The following ENTREP2 variants were observed in gnomAD, a reference collection of about 807,000 sequenced individuals.
The protein encoded by ENTREP2 is protein ENTREP2.
the ENTREP2 span, among the ~76,000 whole-genome samples, chr15:29,214,453 C>T: frequency 6.6e-6 from 1 of 152,128 alleles, no homozygotes; most frequent in South Asian, 2.1e-4. Context: ...AAAACAAACA[C>T]CGCATGTTCT....
chr15:29,538,638 C>CAAAAA, the ENTREP2 span, among the ~76,000 whole-genome samples: 6 of 79,002 alleles, frequency 7.6e-5, no homozygotes, highest in South Asian at 5.3e-4. Flanking sequence ...ACTAAAAATA[C>CAAAAA]AAAAAAAAAA....
At chr15:29,593,503 A>G in the ENTREP2 span, among the ~76,000 whole-genome samples, 10 of 152,184 alleles carry the variant, frequency 6.6e-5, no homozygotes, top group Admixed American at 6.5e-4. Context: ...AGGCATACCT[A>G]GGATTTTGTC....
At chr15:29,307,361 T>C in the ENTREP2 span, among the ~76,000 whole-genome samples, 1 of 152,220 alleles carries the variant, frequency 6.6e-6, no homozygotes, top group African/African-American at 2.4e-5. Context: ...CATTGCTTTC[T>C]ATCATAATCA....
At chr15:29,657,979 A>T in the ENTREP2 span, among the ~76,000 whole-genome samples, 899 of 137,310 alleles carry the variant, frequency 6.5e-3, 16 homozygotes, top group African/African-American at 0.023. Flanking sequence ...TAATACGTGA[A>T]AGAAGTCAGA....
the ENTREP2 span, among the ~76,000 whole-genome samples, chr15:29,238,636 G>GA: frequency 2.1e-3 from 296 of 143,984 alleles, 1 homozygote; most frequent in Non-Finnish European, 2.7e-3. Context: ...CTCCATCTCA[G>GA]AAAAAAAAAA....
chr15:29,619,319 G>C, the ENTREP2 span, among the ~76,000 whole-genome samples: 1 of 152,198 alleles, frequency 6.6e-6, no homozygotes, highest in African/African-American at 2.4e-5. Flanking sequence ...TTGAACCCAG[G>C]AGGCGGAGGT....
chr15:29,548,475 A>G, the ENTREP2 span, among the ~76,000 whole-genome samples: 39 of 137,554 alleles, frequency 2.8e-4, no homozygotes, highest in African/African-American at 9.0e-4. Flanking sequence ...AAAAGTTAAG[A>G]TGGTAAACTT....
At chr15:29,312,545 T>C in the ENTREP2 span, among the ~76,000 whole-genome samples, 1 of 152,208 alleles carries the variant, frequency 6.6e-6, no homozygotes, top group African/African-American at 2.4e-5. Context: ...CATATTTTGG[T>C]AATTCTCAGT....
chr15:29,628,544 A>T, the ENTREP2 span, among the ~76,000 whole-genome samples: 8 of 152,168 alleles, frequency 5.3e-5, no homozygotes, highest in African/African-American at 1.9e-4. Context: ...ATTGATGGTG[A>T]TGTTCAGTTC....
At chr15:29,631,284 C>G in the ENTREP2 span, among the ~76,000 whole-genome samples, 1 of 152,148 alleles carries the variant, frequency 6.6e-6, no homozygotes, top group Non-Finnish European at 1.5e-5. Flanking sequence ...GGTCTGTGGC[C>G]ATTCAAGTTA....
At chr15:29,493,050 G>A in the ENTREP2 span, among the ~76,000 whole-genome samples, 1 of 148,724 alleles carries the variant, frequency 6.7e-6, no homozygotes, top group Non-Finnish European at 1.5e-5. Context: ...AAATAACAGT[G>A]ACTTCAGTTA....
At chr15:29,655,868 T>G in the ENTREP2 span, among the ~76,000 whole-genome samples, 1 of 151,728 alleles carries the variant, frequency 6.6e-6, no homozygotes, top group Non-Finnish European at 1.5e-5. Context: ...CTAGTAAAAG[T>G]GCAAAAATTA....
the ENTREP2 span, among the ~76,000 whole-genome samples, chr15:29,492,657 T>C: frequency 6.6e-6 from 1 of 152,186 alleles, no homozygotes; most frequent in Non-Finnish European, 1.5e-5. Flanking sequence ...AAAAGGCAAT[T>C]ACTATTTTAA....
chr15:29,343,581 T>TCC, the ENTREP2 span, among the ~76,000 whole-genome samples: 5 of 147,044 alleles, frequency 3.4e-5, no homozygotes, highest in South Asian at 1.0e-3. Flanking sequence ...GCGCTCTCTC[T>TCC]CTCTTTCTCT....
At chr15:29,351,467 C>T in the ENTREP2 span, among the ~76,000 whole-genome samples, 20 of 151,924 alleles carry the variant, frequency 1.3e-4, no homozygotes, top group African/African-American at 4.1e-4. Flanking sequence ...GAGTGATATG[C>T]TAATTAGGAA....
chr15:29,121,431 CAA>C, the ENTREP2 span: 1 of 152,060 alleles, frequency 6.6e-6, no homozygotes, highest in Non-Finnish European at 1.5e-5. Flanking sequence ...TGTGAACCCC[CAA>C]GCCCTAGTGT....
the ENTREP2 span, among the ~76,000 whole-genome samples, chr15:29,567,886 T>C: frequency 1.3e-5 from 2 of 152,092 alleles, no homozygotes; most frequent in African/African-American, 4.8e-5. Context: ...AGGTCTCATT[T>C]TAGAAGATTT....
the ENTREP2 span, among the ~76,000 whole-genome samples, chr15:29,187,643 T>C: frequency 1.3e-5 from 2 of 152,212 alleles, no homozygotes; most frequent in African/African-American, 2.4e-5. Flanking sequence ...CTCTTATCTC[T>C]GTACATCCAG....
At chr15:29,610,834 CCTT>C in the ENTREP2 span, 4 of 136,994 alleles carry the variant, frequency 2.9e-5, no homozygotes, top group African/African-American at 7.8e-5. Context: ...GACTCTTCCT[CCTT>C]CTTTATCCCT....
Sources: allele counts gnomAD v4.1 joint callset (sites outside exome capture counted in the v4.1 genomes callset), GRCh38; gene constraint gnomAD v4.1.1; transcripts MANE v1.5; gene names NCBI Gene and HGNC (gene_info 2026-07-23, HGNC 2026-07-21).